Variants in COL23A1 observed in about 807,000 individuals in gnomAD.
The protein encoded by COL23A1 is collagen type XXIII alpha 1 chain, also known as collagen alpha-1(XXIII) chain.
Under a neutral mutation model 99.3 loss-of-function variants are expected in COL23A1, and 97 were observed. The ratio of observed to expected loss-of-function variants is 0.98; its 90% CI spans 0.83 to 1.16. The LOEUF (loss-of-function observed/expected upper bound fraction) is 1.16. Ranked by LOEUF, COL23A1 falls within the 50% of genes most tolerant of loss-of-function variation. The pLI, the probability that COL23A1 is intolerant of heterozygous loss-of-function variation, is 0.00. For missense variants in COL23A1, 762 were observed against 757.4 expected, an observed-to-expected ratio of 1.01 and a Z score of -0.07; for synonymous variants, 320 against 308.2, an observed-to-expected ratio of 1.04 and a Z score of -0.40.
intron 2 of COL23A1, among the ~76,000 whole-genome samples, chr5:178,531,486 TAA>T (rs921115678): frequency 3.9e-5 from 6 of 152,060 alleles, no homozygotes; most frequent in Non-Finnish European, 8.8e-5. Flanking sequence ...GATGGAAAGA[TAA>T]AAAGAGCCTG....
At chr5:178,411,937 A>G (rs1032071063) in intron 2 of COL23A1, among the ~76,000 whole-genome samples, 6 of 152,364 alleles carry the variant, frequency 3.9e-5, no homozygotes, top group African/African-American at 1.4e-4. Context: ...AATGTTACTG[A>G]GAGAATAAGT....
chr5:178,336,615 T>G (rs1395669755), intron 2 of COL23A1, among the ~76,000 whole-genome samples: 1 of 152,138 alleles, frequency 6.6e-6, no homozygotes, highest in African/African-American at 2.4e-5. Flanking sequence ...GGAGTATCCT[T>G]TTGGGTGCTG....
At chr5:178,244,775 C>T (rs934481078) in intron 25 of COL23A1, among the ~76,000 whole-genome samples, 1 of 152,200 alleles carries the variant, frequency 6.6e-6, no homozygotes, top group African/African-American at 2.4e-5. Flanking sequence ...TCTATGTATG[C>T]TACCAGAAGA....
intron 2 of COL23A1, among the ~76,000 whole-genome samples, chr5:178,321,087 G>T (rs1191702248): frequency 6.6e-6 from 1 of 152,376 alleles, no homozygotes; most frequent in East Asian, 1.9e-4. Flanking sequence ...GTTTTTGGAA[G>T]ATTACACTGT....
chr5:178,279,784 T>C (rs1756789009), intron 5 of COL23A1, among the ~76,000 whole-genome samples: 1 of 152,162 alleles, frequency 6.6e-6, no homozygotes, highest in Non-Finnish European at 1.5e-5. Context: ...TCCCCACTTA[T>C]CAGCATCCTC....
chr5:178,335,469 G>C (rs937896514), intron 2 of COL23A1, among the ~76,000 whole-genome samples: 12 of 152,122 alleles, frequency 7.9e-5, no homozygotes, highest in Non-Finnish European at 5.9e-5. Context: ...CAGCTGCTTA[G>C]ATCACATGAC....
chr5:178,554,239 CT>C (rs1293911150), intron 2 of COL23A1, among the ~76,000 whole-genome samples: 1 of 151,840 alleles, frequency 6.6e-6, no homozygotes, highest in Admixed American at 6.6e-5. Context: ...GGTGCAATGG[CT>C]CAATCTTGGC....
chr5:178,369,275 C>T (rs929990676), intron 2 of COL23A1, among the ~76,000 whole-genome samples: 8 of 152,234 alleles, frequency 5.3e-5, no homozygotes, highest in Non-Finnish European at 8.8e-5. Flanking sequence ...GTGTTCCCCC[C>T]CACACCACCC....
At chr5:178,437,553 G>A (rs575650599) in intron 2 of COL23A1, among the ~76,000 whole-genome samples, 2 of 152,280 alleles carry the variant, frequency 1.3e-5, no homozygotes, top group Admixed American at 6.5e-5. Flanking sequence ...GGCCCCAGCC[G>A]CTATCTGCCC....
rs1184570576 is a variant in COL23A1 at position 178,257,502 on chromosome 5, AGAG to A, written c.774+18_774+20del. On this transcript the variant is annotated intron_variant, in intron 13 of 28. Transcript: ENST00000390654. ...TGGGAGGTGGGGGCAGGGGGCCACG[AGAG>A]GAGGGGCAGATACTCACCTTGGGCC... 6.4e-7 allele frequency: 1 copy of A among 1,564,964 alleles called. No individual in the cohort carries two copies. Among genetic ancestry groups the A allele is most frequent in the East Asian group, 2.4e-5 (1 of 42,332 alleles).
Position 178,589,934 on chromosome 5 carries a change from G to T in COL23A1, c.264C>A (p.Ala88=). ...GCAGCAGGCGCTCCAGGTGCGGCTC[G>T]GCCCAGGCGTCCAGGGCGCCTGGCG... ...AGPPGALDAW[A]EPHLERLLRE... The change falls in exon 1 of 29, where the codon GCC becomes GCA. Residue 88 remains alanine, a synonymous_variant. Transcript: ENST00000390654. The surrounding 1 kb of genome is among the most constrained non-coding windows in gnomAD (Gnocchi z 5.4). 5 of 1,322,884 alleles carry T rather than the reference G, an allele frequency of 3.8e-6. No homozygotes were observed. The highest frequency in any genetic ancestry group is 4.8e-6 in the Non-Finnish European group (5 of 1,043,330). 81.9% of individuals were successfully genotyped at this position (1,322,884 alleles called of 1,614,324 possible).
At chr5:178,326,528 C>T (rs553618503) in intron 2 of COL23A1, among the ~76,000 whole-genome samples, 43 of 152,206 alleles carry the variant, frequency 2.8e-4, no homozygotes, top group African/African-American at 9.6e-4. Context: ...TGAGAAGAAA[C>T]CGTGAACATG....
chr5:178,452,934 T>C (rs1767568060), intron 2 of COL23A1, among the ~76,000 whole-genome samples: 1 of 152,224 alleles, frequency 6.6e-6, no homozygotes, highest in Non-Finnish European at 1.5e-5. Flanking sequence ...TACCTACATG[T>C]ACAGGAAATA....
At chr5:178,530,464 A>G (rs1237723012) in intron 2 of COL23A1, among the ~76,000 whole-genome samples, 5 of 152,168 alleles carry the variant, frequency 3.3e-5, no homozygotes, top group African/African-American at 9.7e-5. Flanking sequence ...CTGTTTCAAA[A>G]AAAAAGGCAG....
At chr5:178,460,986 C>G (rs1456711749) in intron 2 of COL23A1, among the ~76,000 whole-genome samples, 1 of 152,140 alleles carries the variant, frequency 6.6e-6, no homozygotes, top group Non-Finnish European at 1.5e-5. Context: ...ATAGCATAAA[C>G]TCCCATGGGA....
At chr5:178,261,343 G>C (rs1237488207) in intron 11 of COL23A1, among the ~76,000 whole-genome samples, 1 of 152,102 alleles carries the variant, frequency 6.6e-6, no homozygotes, top group African/African-American at 2.4e-5. Context: ...GAACCCAGGA[G>C]GTGGAGGCTG....
rs1317578144 is a variant in COL23A1, at chr5:178,493,891, TGA to T, written c.361+66789_361+66790del. ...CAGCAAATGTCAATGCATGCAATCGTGACAGGCCACAAGTCACTGCCAATCCA... is the reference window on the plus strand; with the variant it reads ...CAGCAAATGTCAATGCATGCAATCGTCAGGCCACAAGTCACTGCCAATCCA... On this transcript the variant is annotated intron_variant, in intron 2 of 28. Coordinates refer to ENST00000390654, the MANE Select transcript of COL23A1 (RefSeq NM_173465.4). 2.6e-5 allele frequency among the ~76,000 whole-genome samples: 4 copies of T among 152,354 alleles called. No individual in the cohort carries two copies. The South Asian group carries it at 8.3e-4, about 32-fold the overall frequency.
intron 1 of COL23A1, among the ~76,000 whole-genome samples, chr5:178,584,308 C>CCACACACACACACA (rs4045513): frequency 6.9e-6 from 1 of 145,036 alleles, no homozygotes; most frequent in Non-Finnish European, 1.5e-5. Flanking sequence ...CTGCACCTGG[C>CCACACACACACACA]CACACACACA....
Position 178,399,262 on chromosome 5 carries a change from G to A in COL23A1, c.362-92343C>T, listed in dbSNP as rs192340531. On this transcript the variant is annotated intron_variant, in intron 2 of 28. Coordinates refer to ENST00000390654, the MANE Select transcript of COL23A1 (RefSeq NM_173465.4). ...CCTCACGTGCTGGGGAGCTGCAGCT[G>A]TGAGCAGCCAGCACAGAGAAGAGAG... 2.9e-3 allele frequency among the ~76,000 whole-genome samples: 446 copies of A among 152,344 alleles called. 2 individuals carry two copies. The highest frequency in any genetic ancestry group is 6.8e-3 in the Middle Eastern group (2 of 294).
Sources: gnomAD v4.1 joint callset for allele counts (sites outside exome capture counted in the v4.1 genomes callset) on GRCh38, gnomAD v4.1.1 for gene constraint, Gnocchi (gnomAD v3.1) non-coding constraint, MANE v1.5 for transcripts, NCBI Gene and HGNC (gene_info 2026-07-23, HGNC 2026-07-21) for gene names.